The following NTN1 variants were observed in gnomAD, a reference collection of about 807,000 sequenced individuals.
NTN1 encodes netrin-1.
Under a neutral mutation model 54.2 loss-of-function variants are expected in NTN1, and 11 were observed. That is an observed-to-expected ratio of 0.20 (90% confidence interval 0.13 to 0.34). NTN1 has a LOEUF of 0.34. Among genes scored for constraint, NTN1 ranks in the 10% least tolerant of loss-of-function variants. NTN1 has a pLI of 1.00. For missense variants in NTN1, 740 were observed against 893.1 expected, an observed-to-expected ratio of 0.83 and a Z score of 2.18; for synonymous variants, 371 against 382.0, an observed-to-expected ratio of 0.97 and a Z score of 0.33.
intron 2 of NTN1, among the ~76,000 whole-genome samples, chr17:9,150,232 G>A (rs1217889924): frequency 2.6e-5 from 4 of 152,112 alleles, no homozygotes; most frequent in African/African-American, 9.7e-5. Context: ...AAATAAGGAA[G>A]GAAGGAGCAA....
intron 6 of NTN1, among the ~76,000 whole-genome samples, chr17:9,228,851 T>TGTGTGTGTGTGTGA (rs1351179994): frequency 9.6e-6 from 1 of 104,704 alleles, no homozygotes; most frequent in African/African-American, 4.3e-5. Context: ...TGTGTGTGTG[T>TGTGTGTGTGTGTGA]GACTGTGTAT....
At chr17:9,031,445 T>G (rs2091888089) in intron 2 of NTN1, among the ~76,000 whole-genome samples, 1 of 152,140 alleles carries the variant, frequency 6.6e-6, no homozygotes, top group Admixed American at 6.5e-5. Context: ...TCCTCCTAAG[T>G]CGAGAAATGA....
chr17:9,195,508 G>A (rs557068551), intron 5 of NTN1, among the ~76,000 whole-genome samples: 14 of 152,196 alleles, frequency 9.2e-5, no homozygotes, highest in Middle Eastern at 3.4e-3. Flanking sequence ...TCACACAGCT[G>A]TCACAGCGAC....
At chr17:9,058,637 C>CAAAAAAAAAAAAAAAAAAAAA (rs3053457) in intron 2 of NTN1, among the ~76,000 whole-genome samples, 152 of 58,894 alleles carry the variant, frequency 2.6e-3, no homozygotes, top group South Asian at 2.9e-3. Flanking sequence ...GGTAGGCACT[C>CAAAAAAAAAAAAAAAAAAAAA]AAAAAAAAAA....
intron 2 of NTN1, among the ~76,000 whole-genome samples, chr17:9,032,227 A>G (rs567771488): frequency 6.6e-6 from 1 of 152,328 alleles, no homozygotes; most frequent in East Asian, 1.9e-4. Context: ...TTTAGTCCAC[A>G]TCACATTTGC....
intron 2 of NTN1, among the ~76,000 whole-genome samples, chr17:9,052,202 C>T (rs1417288324): frequency 2.0e-5 from 3 of 152,208 alleles, no homozygotes; most frequent in African/African-American, 7.2e-5. Flanking sequence ...AACTTCTGAC[C>T]TCAGGTGATC....
chr17:9,186,389 A>C (rs1340057694), intron 5 of NTN1, among the ~76,000 whole-genome samples: 4 of 152,208 alleles, frequency 2.6e-5, no homozygotes, highest in Admixed American at 2.6e-4. Flanking sequence ...GAGGGATCAC[A>C]GCTGCCTTTG....
At chr17:9,177,117 G>A (rs1482518068) in intron 3 of NTN1, 2 of 152,410 alleles carry the variant, frequency 1.3e-5, no homozygotes, top group Non-Finnish European at 2.9e-5. Context: ...ATAAACCAGA[G>A]GAATAGGTCA....
chr17:9,117,194 CAG>C (rs2092216157), intron 2 of NTN1, among the ~76,000 whole-genome samples: 2 of 152,286 alleles, frequency 1.3e-5, no homozygotes, highest in South Asian at 2.1e-4. Context: ...AGCCGAGAGA[CAG>C]GGCAGGGAGG....
intron 2 of NTN1, among the ~76,000 whole-genome samples, chr17:9,141,330 C>A: frequency 6.6e-6 from 1 of 151,882 alleles, no homozygotes; most frequent in Non-Finnish European, 1.5e-5. Flanking sequence ...AGGGAGGCAG[C>A]CCTGGAGGAG....
At chr17:9,108,198 G>A (rs7216165) in intron 2 of NTN1, among the ~76,000 whole-genome samples, 109,914 of 152,096 alleles carry the variant, frequency 0.72, 39,973 homozygotes, top group East Asian at 0.95. Flanking sequence ...AAAAGACTCT[G>A]GGCTGAGCTT....
chr17:9,136,433 C>T (rs777725743), intron 2 of NTN1, among the ~76,000 whole-genome samples: 2 of 152,040 alleles, frequency 1.3e-5, no homozygotes, highest in African/African-American at 2.4e-5. Context: ...AAAAATTAGC[C>T]AGGCATAGTG....
chr17:9,208,765 G>C (rs1905030088), intron 5 of NTN1, among the ~76,000 whole-genome samples: 1 of 152,228 alleles, frequency 6.6e-6, no homozygotes, highest in Non-Finnish European at 1.5e-5. Context: ...CCTTGGGCCT[G>C]ATGTACTCTT....
chr17:9,193,860 G>A lies in NTN1; in HGVS notation c.1411+10891G>A, dbSNP rs1010850356. ...TCACTTGAACCTGGAGGTAGAGGTTGCAGTGATCCAAGATGGTGCCATTGT... is the reference window on the plus strand; with the variant it reads ...TCACTTGAACCTGGAGGTAGAGGTTACAGTGATCCAAGATGGTGCCATTGT... On this transcript the variant is annotated intron_variant, in intron 5 of 6. Coordinates refer to ENST00000173229, the MANE Select transcript of NTN1 (RefSeq NM_004822.3). 7.9e-5 allele frequency among the ~76,000 whole-genome samples: 11 copies of A among 139,660 alleles called. No individual in the cohort carries two copies. The Admixed American group carries it at 8.0e-4, about 10-fold the overall frequency. The allele number at this position is 139,660 out of a possible 152,430, so 91.6% of individuals were successfully genotyped here.
intron 5 of NTN1, among the ~76,000 whole-genome samples, chr17:9,203,644 AC>A (rs1904876379): frequency 6.6e-6 from 1 of 151,978 alleles, no homozygotes; most frequent in Non-Finnish European, 1.5e-5. Flanking sequence ...ACTAAAAAAT[AC>A]AAAAAAAATT....
chr17:9,164,368 T>C lies in NTN1; in HGVS notation c.1207+1367T>C, dbSNP rs1030832272. 2.5e-4 allele frequency among the ~76,000 whole-genome samples: 37 copies of C among 149,426 alleles called. 1 individual carries two copies. On this transcript the variant is annotated intron_variant, in intron 3 of 6. Coordinates refer to ENST00000173229, the MANE Select transcript of NTN1 (RefSeq NM_004822.3). ...TGAGCCTGGGAGGCGGAGGTTGCAG[T>C]GAGCCAAGATCGCGCCACCGCACTC... is the stretch of plus-strand genomic sequence containing the variant.
rs114375623 is a variant in NTN1 at position 9,182,898 on chromosome 17, G to A, written c.1358-18G>A. On this transcript the variant is annotated intron_variant, in intron 4 of 6. Transcript: ENST00000173229. ...TGTTTTCTCTCCTCCCCTCGCCCCC[G>A]TCTTGAACCTCACAAAGAGATCCCT... is the stretch of plus-strand genomic sequence containing the variant. 6.0e-4 allele frequency: 974 copies of A among 1,613,856 alleles called. 8 individuals carry two copies. In the African/African-American group the frequency reaches 9.9e-3, roughly 16 times the overall value.
Position 9,096,366 on chromosome 17 carries a change from C to CCTTTTTTTTTTTTTTTTTTTTTTTTT in NTN1, c.1019-66447_1019-66446insCTTTTTTTTTTTTTTTTTTTTTTTTT, listed in dbSNP as rs55880198. ...TGTCTTCCTGGGTTTTATGGGTAGA[C>CCTTTTTTTTTTTTTTTTTTTTTTTTT]TTTTTTTTTTTTTTTTTTTTTTGAG... On this transcript the variant is annotated intron_variant, in intron 2 of 6. Coordinates refer to ENST00000173229, the MANE Select transcript of NTN1 (RefSeq NM_004822.3). Among the ~76,000 whole-genome samples the CCTTTTTTTTTTTTTTTTTTTTTTTTT allele has an allele frequency of 2.2e-4, 20 of 91,510 alleles. 10 individuals are homozygous for CCTTTTTTTTTTTTTTTTTTTTTTTTT. Among genetic ancestry groups the CCTTTTTTTTTTTTTTTTTTTTTTTTT allele is most frequent in the Non-Finnish European group, 2.4e-4 (12 of 49,116 alleles). The allele number at this position is 91,510 out of a possible 152,430, so 60.0% of individuals were successfully genotyped here.
At chr17:9,009,943 A>G in the NTN1 span, among the ~76,000 whole-genome samples, 1 of 152,062 alleles carries the variant, frequency 6.6e-6, no homozygotes, top group African/African-American at 2.4e-5. Context: ...CCTCACTCGT[A>G]ATCTGGGGAA....
Sources: allele counts gnomAD v4.1 joint callset (sites outside exome capture counted in the v4.1 genomes callset), GRCh38; gene constraint gnomAD v4.1.1; transcripts MANE v1.5; gene names NCBI Gene and HGNC (gene_info 2026-07-23, HGNC 2026-07-21).